The following MGMT variants were observed in gnomAD, a reference collection of about 807,000 sequenced individuals.
MGMT encodes O-6-methylguanine-DNA methyltransferase, also known as methylated-DNA--protein-cysteine methyltransferase.
A neutral mutation model predicts 15.9 loss-of-function variants in MGMT; 14 were observed. The ratio of observed to expected loss-of-function variants is 0.88; its 90% CI spans 0.58 to 1.37. The LOEUF (loss-of-function observed/expected upper bound fraction) is 1.37, where lower values mean the gene tolerates loss of function less well. Among genes scored for constraint, MGMT ranks in the 40% most tolerant of loss-of-function variants. The probability of loss-of-function intolerance (pLI) is 0.00; values close to 1 mark genes in which losing one functional copy is unlikely to be tolerated. For missense variants in MGMT, 282 were observed against 268.1 expected, an observed-to-expected ratio of 1.05 and a Z score of -0.36; for synonymous variants, 130 against 118.2, an observed-to-expected ratio of 1.10 and a Z score of -0.65.
intron 2 of MGMT, among the ~76,000 whole-genome samples, chr10:129,668,921 G>A (rs1482363120): frequency 6.6e-6 from 1 of 152,158 alleles, no homozygotes. Flanking sequence ...TGTTGAGGTT[G>A]TCTTAATCTT....
intron 3 of MGMT, among the ~76,000 whole-genome samples, chr10:129,756,522 C>T (rs531016076): frequency 9.2e-5 from 14 of 152,092 alleles, no homozygotes; most frequent in Non-Finnish European, 1.3e-4. Context: ...CAGGCTGGAG[C>T]GCAGTGGCAC....
chr10:129,496,146 T>G lies in MGMT; in HGVS notation c.-13+28850T>G, dbSNP rs558426493. Among the ~76,000 whole-genome samples the G allele has an allele frequency of 3.3e-5, 5 of 152,336 alleles. No individual in the cohort carries two copies. The South Asian group carries it at 1.0e-3, about 32-fold the overall frequency. On this transcript the variant is annotated intron_variant, in intron 1 of 4. Coordinates refer to ENST00000651593, the MANE Select transcript of MGMT (RefSeq NM_002412.5). ...TAAGAAATAATTGGTAATTTATTTC[T>G]TAGAGATCAAATGTTGCTACAAGCT...
chr10:129,657,111 G>A (rs1253396291), intron 2 of MGMT, among the ~76,000 whole-genome samples: 1 of 152,128 alleles, frequency 6.6e-6, no homozygotes, highest in Non-Finnish European at 1.5e-5. Context: ...CCCATAGACT[G>A]CAAATTGTGT....
chr10:129,549,922 T>C (rs1385399985), intron 2 of MGMT, among the ~76,000 whole-genome samples: 1 of 152,200 alleles, frequency 6.6e-6, no homozygotes, highest in Non-Finnish European at 1.5e-5. Context: ...GAGGTATAAA[T>C]TACAGAGAAA....
chr10:129,557,880 T>G (rs554222870), intron 2 of MGMT, among the ~76,000 whole-genome samples: 4 of 152,338 alleles, frequency 2.6e-5, no homozygotes, highest in Non-Finnish European at 2.9e-5. Flanking sequence ...TCCAAAATAT[T>G]GGGTCTACAA....
intron 1 of MGMT, among the ~76,000 whole-genome samples, chr10:129,523,275 A>G (rs1284493490): frequency 1.3e-5 from 2 of 152,262 alleles, no homozygotes; most frequent in Admixed American, 1.3e-4. Flanking sequence ...TGGCCAGGCC[A>G]CACGGCCGGG....
At chr10:129,663,449 G>A (rs1847623081) in intron 2 of MGMT, among the ~76,000 whole-genome samples, 1 of 151,652 alleles carries the variant, frequency 6.6e-6, no homozygotes, top group Non-Finnish European at 1.5e-5. Context: ...AAAATTAAAA[G>A]GGAAGCCAAA....
intron 2 of MGMT, among the ~76,000 whole-genome samples, chr10:129,698,287 G>A (rs4750765): frequency 0.56 from 85,843 of 151,998 alleles, 25,516 homozygotes; most frequent in South Asian, 0.67. Flanking sequence ...CGGTTGACCA[G>A]ATGCCCCATT....
intron 2 of MGMT, among the ~76,000 whole-genome samples, chr10:129,633,948 T>G (rs1368445981): frequency 6.6e-6 from 1 of 152,198 alleles, no homozygotes; most frequent in Non-Finnish European, 1.5e-5. Context: ...GTTTTATTGC[T>G]CTTCATTCTG....
At chr10:129,563,107 C>A (rs1268365412) in intron 2 of MGMT, among the ~76,000 whole-genome samples, 2 of 152,202 alleles carry the variant, frequency 1.3e-5, no homozygotes, top group Non-Finnish European at 2.9e-5. Flanking sequence ...ACGTTTAAGG[C>A]AGGCTGGGTG....
intron 2 of MGMT, among the ~76,000 whole-genome samples, chr10:129,595,141 C>G (rs1846736487): frequency 6.6e-6 from 1 of 152,158 alleles, no homozygotes; most frequent in Non-Finnish European, 1.5e-5. Context: ...CATTTCAAGT[C>G]CTTTTGTAGG....
chr10:129,746,398 C>T (rs1848696896), intron 3 of MGMT, among the ~76,000 whole-genome samples: 1 of 151,374 alleles, frequency 6.6e-6, no homozygotes, highest in Non-Finnish European at 1.5e-5. Flanking sequence ...TTGCCTAACC[C>T]CAGGTCATGA....
chr10:129,733,123 G>A (rs1391254430), intron 3 of MGMT, among the ~76,000 whole-genome samples: 2 of 142,528 alleles, frequency 1.4e-5, no homozygotes, highest in Non-Finnish European at 3.1e-5. Context: ...GATCCCTGAG[G>A]AATCGCCACA....
intron 3 of MGMT, among the ~76,000 whole-genome samples, 156 bp from the exon 4 acceptor site, chr10:129,759,046 G>A (rs1332870266): frequency 1.3e-5 from 2 of 152,258 alleles, no homozygotes; most frequent in East Asian, 3.8e-4. Flanking sequence ...CTCGCCTGGT[G>A]ACATGGTGGC....
intron 2 of MGMT, among the ~76,000 whole-genome samples, chr10:129,560,684 C>T (rs1169693570): frequency 6.6e-6 from 1 of 152,168 alleles, no homozygotes; most frequent in Admixed American, 6.5e-5. Flanking sequence ...AAGTTCAATA[C>T]AAATATATAA....
intron 4 of MGMT, among the ~76,000 whole-genome samples, chr10:129,760,814 C>T (rs1848863895): frequency 6.6e-6 from 1 of 152,154 alleles, no homozygotes; most frequent in Non-Finnish European, 1.5e-5. Flanking sequence ...CAGCCACCAT[C>T]CCCACCTCCT....
chr10:129,475,209 G>C (rs1427876846), intron 1 of MGMT, among the ~76,000 whole-genome samples: 1 of 152,076 alleles, frequency 6.6e-6, no homozygotes, highest in African/African-American at 2.4e-5. Flanking sequence ...TGAGGGTCAC[G>C]GGGTGGGGTG....
At chr10:129,545,453 C>G (rs530346156) in intron 2 of MGMT, among the ~76,000 whole-genome samples, 1 of 152,232 alleles carries the variant, frequency 6.6e-6, no homozygotes, top group Non-Finnish European at 1.5e-5. Flanking sequence ...CTACTGTACA[C>G]ATGAGTCATT....
At chr10:129,660,776 A>G (rs1847587209) in intron 2 of MGMT, among the ~76,000 whole-genome samples, 1 of 31,852 alleles carries the variant, frequency 3.1e-5, no homozygotes, top group South Asian at 7.9e-4. Context: ...CCCACCCCCA[A>G]CACACACACA....
Sources: allele counts gnomAD v4.1 joint callset (sites outside exome capture counted in the v4.1 genomes callset), GRCh38; gene constraint gnomAD v4.1.1; transcripts MANE v1.5; gene names NCBI Gene and HGNC (gene_info 2026-07-23, HGNC 2026-07-21).